CWF19L1: variants seen among roughly 807,000 people sequenced by gnomAD.
CWF19L1 encodes CWF19 like cell cycle control factor 1.
A neutral mutation model predicts 69.7 loss-of-function variants in CWF19L1; 60 were observed. The ratio of observed to expected loss-of-function variants is 0.86; its 90% CI spans 0.70 to 1.07. The LOEUF is 1.07. CWF19L1 is among the 50% of genes least tolerant of loss of function. CWF19L1 has a pLI of 0.00. For missense variants in CWF19L1, 591 were observed against 638.9 expected, an observed-to-expected ratio of 0.92 and a Z score of 0.81; for synonymous variants, 209 against 222.2, an observed-to-expected ratio of 0.94 and a Z score of 0.53.
rs1846315117 is a variant in CWF19L1, at chr10:100,232,680, T to C, written c.*547A>G. 1 of 152,418 alleles carries C rather than the reference T, an allele frequency of 6.6e-6. No homozygotes were observed. The allele number at this position is 152,418 out of a possible 1,614,324, so 9.4% of individuals were successfully genotyped here. ...CACCTGCCTCGGCTTCCCAAAGTAC[T>C]GGGATTACAGGCGTGAGCCACTGCG... On this transcript the variant is annotated 3_prime_UTR_variant, in exon 14 of 14. Transcript: ENST00000354105.
intron 1 of CWF19L1, chr10:100,267,324 G>T: frequency 1.8e-6 from 1 of 546,666 alleles, no homozygotes; most frequent in Non-Finnish European, 2.3e-6. Flanking sequence ...GATGGAGGAG[G>T]CCTAACTCTG....
chr10:100,251,805 C>T (rs187846637), intron 6 of CWF19L1, among the ~76,000 whole-genome samples: 1 of 152,266 alleles, frequency 6.6e-6, no homozygotes, highest in African/African-American at 2.4e-5. Context: ...GCCACCACAC[C>T]CAGCCCTATT....
rs72840056 is a variant in CWF19L1, at chr10:100,245,305, C to A, written c.964+494G>T. ...CAAAGTACAGGATTACAGGCATGAG[C>A]CCCCACACCTGGCCAAGAATATCAA... On this transcript the variant is annotated intron_variant, in intron 9 of 13. Coordinates refer to ENST00000354105, the MANE Select transcript of CWF19L1 (RefSeq NM_018294.6). Among the ~76,000 whole-genome samples the A allele has an allele frequency of 2.8e-3, 392 of 138,592 alleles. 1 individual carries two copies. The highest frequency in any genetic ancestry group is 7.9e-3 in the Admixed American group (117 of 14,754). The allele number at this position is 138,592 out of a possible 152,430, so 90.9% of individuals were successfully genotyped here. A position where few individuals can be genotyped will look rare whatever the true frequency, so the allele number is the denominator to read the frequency against.
rs1380278811 is a variant in CWF19L1 at position 100,262,447 on chromosome 10, A to G, written c.24-384T>C. 8.1e-6 allele frequency: 8 copies of G among 985,132 alleles called. No individual in the cohort carries two copies. In the East Asian group the frequency reaches 7.9e-4, roughly 98 times the overall value. The allele number at this position is 985,132 out of a possible 1,614,324, so 61.0% of individuals were successfully genotyped here. A position where few individuals can be genotyped will look rare whatever the true frequency, so the allele number is the denominator to read the frequency against. On this transcript the variant is annotated intron_variant, in intron 1 of 13. Coordinates refer to ENST00000354105, the MANE Select transcript of CWF19L1 (RefSeq NM_018294.6). ...TATCCTTCTTATTTTGACTCCTCCT[A>G]TCTTAGTACGACTCCTCCTATCTTA...
At chr10:100,248,817 G>T (rs892921469) in intron 7 of CWF19L1, 1 of 1,403,688 alleles carries the variant, frequency 7.1e-7, no homozygotes, top group African/African-American at 1.4e-5. Context: ...AAGCCAAACA[G>T]GTGGCTCAGC....
At chr10:100,248,907 T>A in intron 7 of CWF19L1, 2 of 919,824 alleles carry the variant, frequency 2.2e-6, no homozygotes, top group Non-Finnish European at 1.8e-6. Flanking sequence ...CTGAGGGCGA[T>A]TCCAAGGCAG....
At chr10:100,265,210 A>G (rs1197573092) in intron 1 of CWF19L1, among the ~76,000 whole-genome samples, 1 of 152,128 alleles carries the variant, frequency 6.6e-6, no homozygotes, top group East Asian at 1.9e-4. Context: ...ATTTTTGTAC[A>G]GCTGTACAAT....
chr10:100,265,482 C>T (rs111352152), intron 1 of CWF19L1, among the ~76,000 whole-genome samples: 3 of 142,146 alleles, frequency 2.1e-5, no homozygotes, highest in Non-Finnish European at 4.6e-5. Flanking sequence ...AGGTTGTGCC[C>T]TTTTTTTTTT....
Position 100,266,897 on chromosome 10 carries a change from G to A in CWF19L1, c.23+674C>T, listed in dbSNP as rs1847612102. On this transcript the variant is annotated intron_variant, in intron 1 of 13. Coordinates refer to ENST00000354105, the MANE Select transcript of CWF19L1 (RefSeq NM_018294.6). ...GTCTCGTTCTGTCGCCCAGGCTGGA[G>A]TGCAGTGGCGCGATCTCGGCTCACA... is the stretch of plus-strand genomic sequence containing the variant. 1.3e-5 allele frequency among the ~76,000 whole-genome samples: 2 copies of A among 149,742 alleles called. 1 individual carries two copies. Among genetic ancestry groups the A allele is most frequent in the South Asian group, 4.2e-4 (2 of 4,708 alleles).
chr10:100,238,216 C>G lies in CWF19L1; in HGVS notation c.1060G>C (p.Ala354Pro), dbSNP rs1413909925. ...NIGTHCYLAL[A>P]KGGLSDDHVL... ...TGGTCATCAGATAAGCCTCCTTTGG[C>G]CAGGGCAAGGTAGCACTGAAGAAGC... is the stretch of plus-strand genomic sequence containing the variant. Residue 354 changes from alanine to proline, a missense_variant, in exon 11 of 14, where the codon GCC becomes CCC. By Grantham distance (27) the Ala-to-Pro change is conservative. Coordinates refer to ENST00000354105, the MANE Select transcript of CWF19L1 (RefSeq NM_018294.6). The G allele has an allele frequency of 6.2e-7, 1 of 1,614,098 alleles. No individual in the cohort carries two copies. The highest frequency in any genetic ancestry group is 1.1e-5 in the South Asian group (1 of 91,078).
intron 9 of CWF19L1, 87 bp downstream of exon 9, chr10:100,245,712 G>T: frequency 1.1e-6 from 1 of 922,202 alleles, no homozygotes; most frequent in Non-Finnish European, 1.7e-6. Context: ...TGCCAGAAGA[G>T]GCTCTCTTAG....
At chr10:100,247,197 C>T (rs74154609) in intron 7 of CWF19L1, among the ~76,000 whole-genome samples, 1,800 of 152,234 alleles carry the variant, frequency 0.012, 34 homozygotes, top group African/African-American at 0.041. Context: ...AGTTCTCACT[C>T]GGATAATGGA....
intron 1 of CWF19L1, among the ~76,000 whole-genome samples, chr10:100,266,902 G>A (rs1353462367): frequency 6.7e-6 from 1 of 150,056 alleles, no homozygotes; most frequent in Non-Finnish European, 1.5e-5. Context: ...CTGGAGTGCA[G>A]TGGCGCGATC....
chr10:100,247,797 G>A (rs1846877048), intron 7 of CWF19L1, among the ~76,000 whole-genome samples: 2 of 152,338 alleles, frequency 1.3e-5, no homozygotes, highest in Admixed American at 1.3e-4. Flanking sequence ...TCAGGAGGCT[G>A]AGGCAGGAGA....
chr10:100,244,478 C>T (rs1846743111), intron 9 of CWF19L1, among the ~76,000 whole-genome samples: 1 of 152,114 alleles, frequency 6.6e-6, no homozygotes, highest in Non-Finnish European at 1.5e-5. Flanking sequence ...GCCTCAGCCT[C>T]CTAAGTAGCT....
chr10:100,242,693 T>A (rs1019775276), intron 10 of CWF19L1, among the ~76,000 whole-genome samples: 9 of 149,532 alleles, frequency 6.0e-5, no homozygotes, highest in Non-Finnish European at 1.2e-4. Context: ...AAAAAAAAAA[T>A]TTCATAAGGC....
intron 10 of CWF19L1, 54 bp from the exon 11 acceptor site, chr10:100,238,285 A>G: frequency 1.3e-6 from 2 of 1,546,202 alleles, no homozygotes; most frequent in Non-Finnish European, 1.8e-6. Flanking sequence ...AGGATTCTCC[A>G]GGGAGAAAAA....
intron 13 of CWF19L1, 78 bp from the exon 14 acceptor site, chr10:100,233,449 C>CAAAGTCAGAG: frequency 6.8e-7 from 1 of 1,474,876 alleles, no homozygotes; most frequent in Non-Finnish European, 9.2e-7. Context: ...AGGAGGTATG[C>CAAAGTCAGAG]AAATTTCTCT....
At position 100,237,075 on chromosome 10, in the gene CWF19L1, C is replaced by G. The variant is rs1846466690; in HGVS notation, c.1255-106G>C. On this transcript the variant is annotated intron_variant, in intron 11 of 13. Coordinates refer to ENST00000354105, the MANE Select transcript of CWF19L1 (RefSeq NM_018294.6). ...ATCCATCACAGGGGTGGAGAAACAC[C>G]CCTCAGCACAGAATATCCTCAGGCC... 1.1e-5 allele frequency: 15 copies of G among 1,327,226 alleles called. No individual in the cohort carries two copies. In the South Asian group the frequency reaches 2.1e-4, roughly 18 times the overall value. The allele number at this position is 1,327,226 out of a possible 1,614,324, so 82.2% of individuals were successfully genotyped here.
Sources: allele counts gnomAD v4.1 joint callset (sites outside exome capture counted in the v4.1 genomes callset), GRCh38; gene constraint gnomAD v4.1.1; transcripts MANE v1.5; gene names NCBI Gene and HGNC (gene_info 2026-07-23, HGNC 2026-07-21).